LSAMP: variants seen among roughly 807,000 people sequenced by gnomAD.
LSAMP encodes the protein limbic system-associated membrane protein.
LSAMP carries 7 observed loss-of-function variants against 38.6 expected under a neutral mutation model. That is an observed-to-expected ratio of 0.18 (90% CI 0.10 to 0.34). The LOEUF (loss-of-function observed/expected upper bound fraction) is 0.34, where lower values mean the gene tolerates loss of function less well. LSAMP is among the 10% of genes least tolerant of loss of function. The pLI, the probability that LSAMP is intolerant of heterozygous loss-of-function variation, is 1.00. For synonymous variants in LSAMP, 154 were observed against 166.8 expected, an observed-to-expected ratio of 0.92 and a Z score of 0.59; for missense variants, 313 against 420.0, an observed-to-expected ratio of 0.75 and a Z score of 2.23.
chr3:116,191,839 A>G (rs1710762078), intron 1 of LSAMP, among the ~76,000 whole-genome samples: 1 of 152,128 alleles, frequency 6.6e-6, no homozygotes, highest in African/African-American at 2.4e-5. Context: ...AAAATGTACA[A>G]ATCATATCTC....
At chr3:116,076,439 A>T (rs1707745475) in intron 2 of LSAMP, among the ~76,000 whole-genome samples, 1 of 151,952 alleles carries the variant, frequency 6.6e-6, no homozygotes, top group South Asian at 2.1e-4. Flanking sequence ...TTGTATTTTT[A>T]GTAGAGATGG....
At position 115,934,960 on chromosome 3, in the gene LSAMP, GA is replaced by G. The variant is rs1453704327; in HGVS notation, c.515-82344del. Among the ~76,000 whole-genome samples, 7 of 151,620 alleles carry G rather than the reference GA, an allele frequency of 4.6e-5. No homozygotes were observed. In the East Asian group the frequency reaches 1.4e-3, roughly 29 times the overall value. On this transcript the variant is annotated intron_variant, in intron 3 of 6. Coordinates refer to ENST00000490035, the MANE Select transcript of LSAMP (RefSeq NM_002338.5). ...GATTAGAATACTGGTCAAGCTTCAA[GA>G]AAAAGTTTCAAAATTGAGTACTAAA... is the stretch of plus-strand genomic sequence containing the variant.
intron 1 of LSAMP, among the ~76,000 whole-genome samples, chr3:116,110,926 G>A (rs1276463696): frequency 6.6e-5 from 10 of 151,186 alleles, no homozygotes; most frequent in Non-Finnish European, 1.0e-4. Context: ...GGGTGGGGCC[G>A]TTTTATAGGA....
At chr3:115,889,952 A>G (rs905033270) in intron 3 of LSAMP, among the ~76,000 whole-genome samples, 3 of 152,010 alleles carry the variant, frequency 2.0e-5, no homozygotes. Context: ...AGAACTAGCA[A>G]AAACACACTC....
At position 116,269,437 on chromosome 3, in the gene LSAMP, C is replaced by T. The variant is rs76432720; in HGVS notation, c.155+175440G>A. On this transcript the variant is annotated intron_variant, in intron 1 of 6. Transcript: ENST00000490035. ...TGGATCTCTGGCATCCTACACATTG[C>T]TTGGTACACAGTGCTCAACAAATAT... 3.7e-3 allele frequency among the ~76,000 whole-genome samples: 562 copies of T among 152,108 alleles called. 5 individuals are homozygous for T. The highest frequency in any genetic ancestry group is 0.035 in the East Asian group (183 of 5,176).
chr3:116,390,132 TACACACAC>T (rs10661312), intron 1 of LSAMP, among the ~76,000 whole-genome samples: 9,284 of 147,346 alleles, frequency 0.063, 374 homozygotes, highest in Middle Eastern at 0.13. Context: ...TATGTATGTA[TACACACAC>T]ACACACACAC....
At chr3:116,086,843 T>C (rs907718169) in intron 1 of LSAMP, among the ~76,000 whole-genome samples, 2 of 152,194 alleles carry the variant, frequency 1.3e-5, no homozygotes, top group East Asian at 3.9e-4. Flanking sequence ...TATCTTCTTC[T>C]TGTTTAGGAA....
intron 1 of LSAMP, among the ~76,000 whole-genome samples, chr3:116,310,329 G>C (rs1251560313): frequency 6.6e-6 from 1 of 152,168 alleles, no homozygotes; most frequent in Non-Finnish European, 1.5e-5. Context: ...CAGCAGGTGA[G>C]AGTGAAACTT....
At chr3:116,359,105 T>C (rs567532388) in intron 1 of LSAMP, among the ~76,000 whole-genome samples, 4 of 152,314 alleles carry the variant, frequency 2.6e-5, no homozygotes, top group Admixed American at 1.3e-4. Flanking sequence ...AATATTATGT[T>C]TAAAATTATT....
At chr3:116,324,695 G>A (rs1246790425) in intron 1 of LSAMP, among the ~76,000 whole-genome samples, 1 of 152,112 alleles carries the variant, frequency 6.6e-6, no homozygotes, top group Non-Finnish European at 1.5e-5. Flanking sequence ...GCCTCTGTGT[G>A]AATAGCACTT....
chr3:116,041,109 A>G (rs2107716988), intron 2 of LSAMP, among the ~76,000 whole-genome samples: 1 of 152,168 alleles, frequency 6.6e-6, no homozygotes. Context: ...CTTTTTGTAG[A>G]AATTGGGTCT....
chr3:115,926,063 A>G lies in LSAMP; in HGVS notation c.515-73446T>C, dbSNP rs990895113. Among the ~76,000 whole-genome samples, 3 of 152,208 alleles carry G rather than the reference A, an allele frequency of 2.0e-5. No homozygotes were observed. In the East Asian group the frequency reaches 5.8e-4, roughly 29 times the overall value. ...GAGAGCATTAAAAAGAAAAAAAAAC[A>G]TGTAAGGGAGTTTGCTAAACTGTTA... On this transcript the variant is annotated intron_variant, in intron 3 of 6. Coordinates refer to ENST00000490035, the MANE Select transcript of LSAMP (RefSeq NM_002338.5).
intron 3 of LSAMP, among the ~76,000 whole-genome samples, chr3:115,930,685 C>T (rs986401313): frequency 6.6e-5 from 10 of 152,286 alleles, no homozygotes; most frequent in Middle Eastern, 3.4e-3. Context: ...TAGATTTGAA[C>T]GACTTTAAAG....
At chr3:116,430,596 C>A (rs1399188841) in intron 1 of LSAMP, among the ~76,000 whole-genome samples, 2 of 152,034 alleles carry the variant, frequency 1.3e-5, no homozygotes, top group Non-Finnish European at 2.9e-5. Flanking sequence ...ATAAATACAC[C>A]TATATCCAAA....
intron 3 of LSAMP, among the ~76,000 whole-genome samples, chr3:115,887,615 A>C (rs985335486): frequency 6.6e-6 from 1 of 151,960 alleles, no homozygotes; most frequent in Admixed American, 6.6e-5. Flanking sequence ...GGGTACAGAG[A>C]TAAGATGTGG....
chr3:115,954,966 T>TTTTG (rs1938407935), intron 3 of LSAMP, among the ~76,000 whole-genome samples: 3 of 151,380 alleles, frequency 2.0e-5, no homozygotes, highest in East Asian at 1.9e-4. Context: ...TTTGTTTTTT[T>TTTTG]TTTTTTGAGA....
chr3:116,040,639 T>C (rs147223466), intron 2 of LSAMP, among the ~76,000 whole-genome samples: 177 of 152,378 alleles, frequency 1.2e-3, no homozygotes, highest in African/African-American at 4.0e-3. Flanking sequence ...CCGTTTGGAA[T>C]ACCTTTGATG....
At chr3:116,015,103 T>C (rs904405926) in intron 3 of LSAMP, among the ~76,000 whole-genome samples, 1 of 152,064 alleles carries the variant, frequency 6.6e-6, no homozygotes, top group Admixed American at 6.6e-5. Flanking sequence ...CTCCATCAAA[T>C]TGCAAAATAT....
At chr3:116,232,081 A>T (rs1427843573) in intron 1 of LSAMP, among the ~76,000 whole-genome samples, 2 of 152,214 alleles carry the variant, frequency 1.3e-5, no homozygotes, top group African/African-American at 2.4e-5. Flanking sequence ...ACCATCTTTC[A>T]AAGTCAGGGC....
Sources: allele counts gnomAD v4.1 joint callset (sites outside exome capture counted in the v4.1 genomes callset), GRCh38; gene constraint gnomAD v4.1.1; transcripts MANE v1.5; gene names NCBI Gene and HGNC (gene_info 2026-07-23, HGNC 2026-07-21).